NR2C2: variants seen among roughly 807,000 people sequenced by gnomAD.
The protein encoded by NR2C2 is nuclear receptor subfamily 2 group C member 2, also known as Nuclear hormone receptor TR4.
Under a neutral mutation model 62.9 loss-of-function variants are expected in NR2C2, and 6 were observed. The ratio of observed to expected loss-of-function variants is 0.10; its 90% CI spans 0.05 to 0.19. The LOEUF (loss-of-function observed/expected upper bound fraction) is 0.19. Among genes scored for constraint, NR2C2 ranks in the 10% least tolerant of loss-of-function variants. NR2C2 has a pLI of 1.00. For synonymous variants in NR2C2, 272 were observed against 273.8 expected, an observed-to-expected ratio of 0.99 and a Z score of 0.07; for missense variants, 479 against 762.7, an observed-to-expected ratio of 0.63 and a Z score of 4.38.
intron 2 of NR2C2, among the ~76,000 whole-genome samples, chr3:15,008,453 T>G (rs2041254537): frequency 6.6e-6 from 1 of 150,870 alleles, no homozygotes; most frequent in African/African-American, 2.4e-5. Context: ...GGCTGAGAGG[T>G]GGAGGTTGTA....
chr3:14,970,539 T>C (rs1043758248), intron 1 of NR2C2, among the ~76,000 whole-genome samples: 9 of 152,194 alleles, frequency 5.9e-5, no homozygotes, highest in African/African-American at 2.2e-4. Context: ...TGTCTCTGAA[T>C]TTGACTTCTC....
intron 11 of NR2C2, among the ~76,000 whole-genome samples, chr3:15,037,182 G>GT (rs2042125303): frequency 6.7e-6 from 1 of 149,966 alleles, no homozygotes; most frequent in South Asian, 2.1e-4. Context: ...CTTTAGTTTT[G>GT]TTTTTTGTTG....
chr3:14,968,822 C>T (rs2039944220), intron 1 of NR2C2, among the ~76,000 whole-genome samples: 1 of 141,724 alleles, frequency 7.1e-6, no homozygotes, highest in Non-Finnish European at 1.5e-5. Flanking sequence ...ATGATGAGTT[C>T]ATGTCCTTTG....
At chr3:14,957,494 C>T (rs929817221) in intron 1 of NR2C2, among the ~76,000 whole-genome samples, 2 of 152,142 alleles carry the variant, frequency 1.3e-5, no homozygotes, top group Non-Finnish European at 2.9e-5. Flanking sequence ...GATATTGATC[C>T]ACTTGGATTT....
In NR2C2 at chr3:15,021,063, G is replaced by A. The variant is rs139186988; in HGVS notation, c.556+131G>A. 3.9e-3 allele frequency: 3,534 copies of A among 894,752 alleles called. 12 individuals are homozygous for A. The highest frequency in any genetic ancestry group is 5.2e-3 in the Non-Finnish European group (3,104 of 602,302). The allele number at this position is 894,752 out of a possible 1,614,324, so 55.4% of individuals were successfully genotyped here. ...AAATATGCACTCAGGCTTCATTTTGGTTTACCTCATGGGTCAGCCAGGTGA... is the reference window on the plus strand; with the variant it reads ...AAATATGCACTCAGGCTTCATTTTGATTTACCTCATGGGTCAGCCAGGTGA... On this transcript the variant is annotated intron_variant, in intron 5 of 13. Coordinates refer to ENST00000425241, the MANE Select transcript of NR2C2 (RefSeq NM_001291694.2).
chr3:15,013,554 C>T (rs2041416582), intron 2 of NR2C2, 35 bp from the exon 3 acceptor site: 6 of 1,597,518 alleles, frequency 3.8e-6, no homozygotes, highest in Middle Eastern at 1.9e-4. Flanking sequence ...TCTTGTGACA[C>T]TCCATGAGAG....
intron 5 of NR2C2, among the ~76,000 whole-genome samples, chr3:15,022,467 G>A (rs1242923566): frequency 5.0e-5 from 7 of 139,302 alleles, no homozygotes; most frequent in East Asian, 4.3e-4. Flanking sequence ...CAGTGGTGCC[G>A]CGTCTTGGCT....
intron 12 of NR2C2, chr3:15,038,854 A>AG (rs147454325): frequency 0.021 from 7,599 of 360,414 alleles, 519 homozygotes; most frequent in African/African-American, 0.14. Flanking sequence ...CTAGGGTAGT[A>AG]GGAAGCCAGA....
chr3:14,969,002 G>T (rs2039951956), intron 1 of NR2C2, among the ~76,000 whole-genome samples: 3 of 120,228 alleles, frequency 2.5e-5, no homozygotes, highest in African/African-American at 9.3e-5. Flanking sequence ...GGGGGGAGGG[G>T]GGAGGGATAG....
intron 1 of NR2C2, among the ~76,000 whole-genome samples, chr3:14,984,132 C>T (rs1320146350): frequency 6.6e-6 from 1 of 152,200 alleles, no homozygotes; most frequent in Non-Finnish European, 1.5e-5. Context: ...AGGTGATCCA[C>T]CTGCCTCAGC....
intron 2 of NR2C2, among the ~76,000 whole-genome samples, chr3:15,011,094 G>A (rs1483488086): frequency 6.6e-6 from 1 of 152,180 alleles, no homozygotes; most frequent in African/African-American, 2.4e-5. Context: ...TAGCACTTTG[G>A]GAGGCCAAGG....
chr3:15,026,013 CTTTT>C (rs886839288), intron 7 of NR2C2: 5 of 149,966 alleles, frequency 3.3e-5, no homozygotes, highest in African/African-American at 1.3e-4. Context: ...GCTTTCTTTT[CTTTT>C]TCTTTTTCTT....
intron 1 of NR2C2, chr3:14,948,366 G>A (rs2039208800): frequency 6.6e-6 from 1 of 152,256 alleles, no homozygotes; most frequent in African/African-American, 2.4e-5. Flanking sequence ...CGTTTTTTCT[G>A]AAGGGGAGGG....
intron 13 of NR2C2, 75 bp from the exon 14 acceptor site, chr3:15,042,759 C>A: frequency 2.1e-6 from 3 of 1,397,842 alleles, no homozygotes; most frequent in Non-Finnish European, 3.0e-6. Flanking sequence ...ACAGACGGGA[C>A]CCCAGGAGCC....
Position 15,044,194 on chromosome 3 carries a change from A to C in NR2C2, c.*1186A>C, listed in dbSNP as rs1429045638. On this transcript the variant is annotated 3_prime_UTR_variant, in exon 14 of 14. Transcript: ENST00000425241. ...GTTAGGGCCTGGTAAAGCTGGATGG[A>C]AGGTTTCAGGACAATTTCTTCCTGT... The C allele has an allele frequency of 6.6e-6, 1 of 152,150 alleles. No homozygotes were observed. The highest frequency in any genetic ancestry group is 1.5e-5 in the Non-Finnish European group (1 of 68,038). 9.4% of individuals were successfully genotyped at this position (152,150 alleles called of 1,614,324 possible).
Position 15,039,192 on chromosome 3 carries a change from C to G in NR2C2, c.1581C>G (p.Asp527Glu), listed in dbSNP as rs1455074653. ...FQEKAQMELQDYVQKTYSEDT... is the reference protein window; with the variant it reads ...FQEKAQMELQEYVQKTYSEDT... ...AAAAGGCACAGATGGAGTTGCAGGACTATGTTCAGAAAACCTACTCAGAAG... is the reference window on the plus strand; with the variant it reads ...AAAAGGCACAGATGGAGTTGCAGGAGTATGTTCAGAAAACCTACTCAGAAG... The change falls in exon 13 of 14, where the codon GAC becomes GAG. Residue 527 changes from aspartate (D) to glutamate (E), a missense_variant. Coordinates refer to ENST00000425241, the MANE Select transcript of NR2C2 (RefSeq NM_001291694.2). 4 of 1,614,066 alleles carry G rather than the reference C, an allele frequency of 2.5e-6. No individual in the cohort carries two copies. Among genetic ancestry groups the G allele is most frequent in the Non-Finnish European group, 3.4e-6 (4 of 1,179,958 alleles).
At chr3:14,953,663 A>G (rs143919895) in intron 1 of NR2C2, among the ~76,000 whole-genome samples, 5,503 of 152,224 alleles carry the variant, frequency 0.036, 356 homozygotes, top group African/African-American at 0.12. Flanking sequence ...TGGGAGGCCA[A>G]GGCAGGCGGA....
chr3:15,033,625 G>A, intron 10 of NR2C2, among the ~76,000 whole-genome samples: 1 of 149,036 alleles, frequency 6.7e-6, no homozygotes, highest in East Asian at 2.0e-4. Context: ...TCTGGTAGGT[G>A]GTGTAACCTC....
intron 1 of NR2C2, among the ~76,000 whole-genome samples, chr3:14,962,975 G>A (rs2039730941): frequency 6.6e-6 from 1 of 152,146 alleles, no homozygotes; most frequent in Non-Finnish European, 1.5e-5. Context: ...TGGTTAAGGA[G>A]TTATTATAAA....
Sources: allele counts gnomAD v4.1 joint callset (sites outside exome capture counted in the v4.1 genomes callset), GRCh38; gene constraint gnomAD v4.1.1; transcripts MANE v1.5; gene names NCBI Gene and HGNC (gene_info 2026-07-23, HGNC 2026-07-21).